Variants in VWA8 observed in about 807,000 individuals in gnomAD.
VWA8 encodes von Willebrand factor A domain containing 8, also known as von Willebrand factor A domain-containing protein 8.
Under a neutral mutation model 241.5 loss-of-function variants are expected in VWA8, and 221 were observed. The observed-to-expected ratio is 0.91, with a 90% CI of 0.82 to 1.02. The LOEUF (loss-of-function observed/expected upper bound fraction) is 1.02, where lower values mean the gene tolerates loss of function less well. Ranked by LOEUF, VWA8 falls within the 50% of genes least tolerant of loss-of-function variation. VWA8 has a pLI of 0.00. For synonymous variants in VWA8, 852 were observed against 827.1 expected (o/e 1.03, Z -0.52); for missense variants, 2,322 against 2,328.7 (o/e 1.00, Z 0.06).
At chr13:41,851,009 A>G in intron 12 of VWA8, among the ~76,000 whole-genome samples, 1 of 152,256 alleles carries the variant, frequency 6.6e-6, no homozygotes, top group East Asian at 1.9e-4. Context: ...CCATAGTTAC[A>G]TATTTTTTGT....
intron 2 of VWA8, among the ~76,000 whole-genome samples, chr13:41,948,180 T>G (rs1877953020): frequency 6.6e-6 from 1 of 152,032 alleles, no homozygotes; most frequent in South Asian, 2.1e-4. Context: ...ATCCACACAA[T>G]GGAATATAAT....
At chr13:41,955,723 G>A (rs1302081218) in intron 1 of VWA8, 1 of 152,154 alleles carries the variant, frequency 6.6e-6, no homozygotes, top group East Asian at 1.9e-4. Context: ...CGTACTTGGA[G>A]TCCTTATGTA....
chr13:41,635,023 A>C (rs1163650341), intron 37 of VWA8, among the ~76,000 whole-genome samples: 1 of 142,592 alleles, frequency 7.0e-6, no homozygotes, highest in Non-Finnish European at 1.5e-5. Context: ...GGCCAAAATG[A>C]CTTATCTTCT....
At chr13:41,597,836 TCAGGCCCCA>T (rs56311347) in intron 40 of VWA8, among the ~76,000 whole-genome samples, 39,315 of 151,704 alleles carry the variant, frequency 0.26, 6,326 homozygotes, top group Non-Finnish European at 0.35. Context: ...TTCCAGTTGT[TCAGGCCCCA>T]CACTGAGGAG....
intron 37 of VWA8, among the ~76,000 whole-genome samples, chr13:41,659,836 A>C (rs1034321311): frequency 2.1e-4 from 32 of 152,358 alleles, no homozygotes; most frequent in Admixed American, 7.2e-4. Context: ...GATAAGGGAC[A>C]ACCTACTGAA....
chr13:41,592,374 G>A (rs2044461258), intron 40 of VWA8, among the ~76,000 whole-genome samples: 2 of 149,304 alleles, frequency 1.3e-5, no homozygotes, highest in South Asian at 4.3e-4. Flanking sequence ...GCTAGATGAC[G>A]AGTTAGTGGG....
Position 41,811,224 on chromosome 13 carries a change from C to T in VWA8, c.2063+1G>A, listed in dbSNP as rs373076758. On this transcript the variant is annotated splice_donor_variant, in intron 17 of 44. Coordinates refer to ENST00000379310, the MANE Select transcript of VWA8 (RefSeq NM_015058.2). LOFTEE classifies it high-confidence loss of function. ...CACGCAGTGAGAAAGAATATGTTTACCTGGAAAGGCAGGCTTTAGTAACAG... is the reference window on the plus strand; with the variant it reads ...CACGCAGTGAGAAAGAATATGTTTATCTGGAAAGGCAGGCTTTAGTAACAG... 49 of 1,600,124 alleles carry T rather than the reference C, an allele frequency of 3.1e-5. No homozygotes were observed. Among genetic ancestry groups the T allele is most frequent in the Non-Finnish European group, 4.1e-5 (48 of 1,169,008 alleles).
rs541387551 is a variant in VWA8, at chr13:41,570,622, C to T, written c.5455G>A (p.Glu1819Lys). Residue 1819 changes from glutamate (E) to lysine (K), a missense_variant, in exon 44 of 45, where the codon GAA (glutamate) becomes AAA (lysine). By Grantham distance (56) the Glu-to-Lys change is moderately conservative (BLOSUM62 1). Transcript: ENST00000379310. ...TEHAIKEIVK[E>K]EADEYFVIVL... Reference sequence around the variant, plus strand: ...ATGACAAAGTACTCATCAGCTTCTTCTTTGACAATTTCCTTGATGGCATGT... The same window carrying T: ...ATGACAAAGTACTCATCAGCTTCTTTTTTGACAATTTCCTTGATGGCATGT... 6.2e-7 allele frequency: 1 copy of T among 1,614,240 alleles called. No homozygotes were observed. The highest frequency in any genetic ancestry group is 1.1e-5 in the South Asian group (1 of 91,090).
At chr13:41,672,511 A>T (rs1317814165) in intron 36 of VWA8, among the ~76,000 whole-genome samples, 1 of 152,228 alleles carries the variant, frequency 6.6e-6, no homozygotes, top group Non-Finnish European at 1.5e-5. Context: ...GAAAAACATA[A>T]CAAGCTATCA....
Position 41,861,447 on chromosome 13 carries a change from C to G in VWA8, c.1425+4289G>C, listed in dbSNP as rs141703249. ...TCCTATTCAACATAGTACTAGAAGT[C>G]CTAGCCAGAGTAATCAGGCAAGACC... On this transcript the variant is annotated intron_variant, in intron 12 of 44. Transcript: ENST00000379310. Among the ~76,000 whole-genome samples, 971 of 152,104 alleles carry G rather than the reference C, an allele frequency of 6.4e-3. 5 individuals carry two copies. Among genetic ancestry groups the G allele is most frequent in the Non-Finnish European group, 0.011 (746 of 67,986 alleles).
chr13:41,684,772 T>A (rs1259686417), intron 35 of VWA8, among the ~76,000 whole-genome samples: 1 of 152,184 alleles, frequency 6.6e-6, no homozygotes. Context: ...TAAGACTTTT[T>A]AAAAGGCTCT....
At chr13:41,873,536 T>C (rs1380187347) in intron 9 of VWA8, among the ~76,000 whole-genome samples, 2 of 152,068 alleles carry the variant, frequency 1.3e-5, no homozygotes, top group African/African-American at 4.8e-5. Context: ...CAAACTACCA[T>C]CAGAGAATGC....
intron 20 of VWA8, among the ~76,000 whole-genome samples, chr13:41,768,896 A>G (rs1445156151): frequency 6.9e-6 from 1 of 145,670 alleles, no homozygotes; most frequent in Non-Finnish European, 1.5e-5. Flanking sequence ...CAACTATAAA[A>G]CAATGCCTTT....
rs764853927 is a variant in VWA8 at position 41,587,674 on chromosome 13, A to T, written c.5113-4T>A. 3.7e-6 allele frequency: 6 copies of T among 1,613,838 alleles called. No individual in the cohort carries two copies. The highest frequency in any genetic ancestry group is 4.5e-5 in the East Asian group (2 of 44,892). ...GTTTCTGTTGTGGGCTGCCAAGCTG[A>T]GGGAAGGAATAACAGAAAAGCCGTT... On this transcript the variant is annotated splice_polypyrimidine_tract_variant and splice_region_variant and intron_variant, in intron 41 of 44. Coordinates refer to ENST00000379310, the MANE Select transcript of VWA8 (RefSeq NM_015058.2).
intron 22 of VWA8, among the ~76,000 whole-genome samples, chr13:41,731,008 A>G (rs1442608017): frequency 1.3e-5 from 2 of 151,246 alleles, no homozygotes; most frequent in Admixed American, 6.6e-5. Flanking sequence ...AACTTAAAGT[A>G]TAATAATAAT....
At chr13:41,960,809 G>A (rs1418126266) in intron 1 of VWA8, 44 bp downstream of exon 1, 15 of 1,493,382 alleles carry the variant, frequency 1.0e-5, no homozygotes, top group Non-Finnish European at 1.3e-5. Context: ...ACCCGGCACG[G>A]AGCGCAGGGG....
intron 21 of VWA8, among the ~76,000 whole-genome samples, chr13:41,739,153 C>T (rs2045547555): frequency 6.6e-6 from 1 of 152,128 alleles, no homozygotes; most frequent in Non-Finnish European, 1.5e-5. Context: ...TTCTTGAAGA[C>T]TTCAAATTCA....
chr13:41,660,380 T>C (rs1036861738), intron 37 of VWA8, among the ~76,000 whole-genome samples: 1 of 152,118 alleles, frequency 6.6e-6, no homozygotes, highest in Non-Finnish European at 1.5e-5. Flanking sequence ...CCTCCCAAAG[T>C]GTTGGGATTA....
intron 4 of VWA8, among the ~76,000 whole-genome samples, chr13:41,906,736 A>G (rs1304595859): frequency 1.3e-5 from 2 of 152,164 alleles, no homozygotes; most frequent in East Asian, 1.9e-4. Flanking sequence ...GTCCAAATGC[A>G]TGTGTAATTT....
Sources: gnomAD v4.1 joint callset for allele counts (sites outside exome capture counted in the v4.1 genomes callset) on GRCh38, gnomAD v4.1.1 for gene constraint, MANE v1.5 for transcripts, NCBI Gene and HGNC (gene_info 2026-07-23, HGNC 2026-07-21) for gene names.